CSDE1: variants seen among roughly 807,000 people sequenced by gnomAD.
CSDE1 encodes the protein cold shock domain containing E1.
Under a neutral mutation model 89.3 loss-of-function variants are expected in CSDE1, and 17 were observed. That is an observed-to-expected ratio of 0.19 (90% CI 0.13 to 0.29). The LOEUF (loss-of-function observed/expected upper bound fraction) is 0.29, where lower values mean the gene tolerates loss of function less well. CSDE1 is among the 10% of genes least tolerant of loss of function. CSDE1 has a pLI of 1.00. For synonymous variants in CSDE1, 322 were observed against 332.8 expected (o/e 0.97, Z 0.35); for missense variants, 672 against 984.2 (o/e 0.68, Z 4.24).
chr1:114,732,686 T>G lies in CSDE1; in HGVS notation c.968A>C (p.Asp323Ala). ...GDHVRFNIST[D>A]RRDKLERATN... ...TGCTCGCTCTAATTTGTCACGTCGG[T>G]CTGTTGAAATATTAAACCTAACATG... The change falls in exon 10 of 20, where the codon GAC becomes GCC. Residue 323 changes from aspartate (D) to alanine (A), a missense_variant. Physicochemically the swap from Asp to Ala is moderately radical, Grantham distance 126. Around this residue, in one of 8 missense-constraint regions of CSDE1, gnomAD observed 169 missense variants for 262.9 expected, o/e 0.64. Transcript: ENST00000358528. 6.2e-7 allele frequency: 1 copy of G among 1,614,200 alleles called. No homozygotes were observed. Among genetic ancestry groups the G allele is most frequent in the Non-Finnish European group, 8.5e-7 (1 of 1,180,036 alleles).
At position 114,739,767 on chromosome 1, in the gene CSDE1, A is replaced by T; in HGVS notation, c.124T>A (p.Cys42Ser). Residue 42 changes from cysteine to serine, a missense_variant, in exon 3 of 20, where the codon TGT becomes AGT. Cys to Ser is a moderately radical substitution (Grantham distance 112). This residue lies in a region of CSDE1 where 34 missense variants were observed against 73.3 expected (regional missense o/e 0.46). Coordinates refer to ENST00000358528, the MANE Select transcript of CSDE1 (RefSeq NM_001007553.3). Reference sequence around the variant, plus strand: ...AAAAGTCTAGCTTGACGTTCTGAACACTGAATAAATCCGTAAGAGGTTAAC... The same window carrying T: ...AAAAGTCTAGCTTGACGTTCTGAACTCTGAATAAATCCGTAAGAGGTTAAC... The part of the protein sequence containing the change: ...KLLTSYGFIQ[C>S]SERQARLFFH... 1 of 1,614,168 alleles carries T rather than the reference A, an allele frequency of 6.2e-7. No individual in the cohort carries two copies. Among genetic ancestry groups the T allele is most frequent in the Non-Finnish European group, 8.5e-7 (1 of 1,180,004 alleles).
At chr1:114,722,364 T>G (rs2101013255) in intron 16 of CSDE1, among the ~76,000 whole-genome samples, 1 of 152,334 alleles carries the variant, frequency 6.6e-6, no homozygotes, top group Non-Finnish European at 1.5e-5. Context: ...CTGAAGGTAT[T>G]ACCATTTTAA....
chr1:114,737,430 G>T, intron 5 of CSDE1, 41 bp downstream of exon 5: 2 of 1,416,854 alleles, frequency 1.4e-6, no homozygotes, highest in Non-Finnish European at 2.0e-6. Context: ...TAGATCACAT[G>T]GTGGATCAGG....
intron 2 of CSDE1, 148 bp downstream of exon 2, chr1:114,749,673 T>C (rs369517589): frequency 3.3e-5 from 5 of 152,356 alleles, no homozygotes; most frequent in African/African-American, 1.2e-4. Context: ...TAACAAGAGA[T>C]AGTGTTGATA....
chr1:114,722,294 T>C (rs933270705), intron 16 of CSDE1, among the ~76,000 whole-genome samples: 2 of 152,364 alleles, frequency 1.3e-5, no homozygotes, highest in Admixed American at 6.5e-5. Flanking sequence ...CCTCATGCAA[T>C]ATCAATAATT....
At chr1:114,750,764 G>C (rs1276043659) in intron 1 of CSDE1, among the ~76,000 whole-genome samples, 1 of 152,150 alleles carries the variant, frequency 6.6e-6, no homozygotes, top group African/African-American at 2.4e-5. Context: ...AGTGAACCTG[G>C]AAAATCAGGC....
At chr1:114,757,415 T>C (rs1267516153) in intron 1 of CSDE1, among the ~76,000 whole-genome samples, 1 of 152,010 alleles carries the variant, frequency 6.6e-6, no homozygotes, top group Non-Finnish European at 1.5e-5. Context: ...GCCAGGAAAC[T>C]ACAGGGTCCA....
At chr1:114,729,820 A>G (rs1660007006) in intron 12 of CSDE1, among the ~76,000 whole-genome samples, 1 of 152,222 alleles carries the variant, frequency 6.6e-6, no homozygotes, top group Admixed American at 6.5e-5. Flanking sequence ...TTTTCAATAA[A>G]TGAAATTTAA....
intron 5 of CSDE1, 57 bp downstream of exon 5, chr1:114,737,414 C>T (rs549477385): frequency 3.4e-5 from 45 of 1,317,966 alleles, no homozygotes; most frequent in East Asian, 1.4e-4. Flanking sequence ...TTTTAAAGTA[C>T]GCTTATAGAT....
chr1:114,733,600 C>T (rs1035968754), intron 9 of CSDE1, 132 bp downstream of exon 9: 5 of 580,778 alleles, frequency 8.6e-6, no homozygotes, highest in African/African-American at 4.0e-5. Context: ...TTTAAATATA[C>T]GTAACAAGAG....
At chr1:114,733,683 T>A in intron 9 of CSDE1, 49 bp downstream of exon 9, 3 of 1,536,740 alleles carry the variant, frequency 2.0e-6, no homozygotes, top group Non-Finnish European at 2.7e-6. Context: ...ACCATATTAT[T>A]CTATTACTAC....
rs749419444 is a variant in CSDE1, at chr1:114,726,228, T to C, written c.1623A>G (p.Glu541=). ...GFIETANHDK[E]IFFHYSEFSG... The stretch of plus-strand genomic sequence containing the variant: ...CGCCTTACCTGTAATGGAAAAAGAT[T>C]TCCTTATCATGATTGGCTGTTTCAA... The change falls in exon 14 of 20, where the codon GAA becomes GAG. Residue 541 remains glutamate (E), a synonymous_variant. Transcript: ENST00000358528. 22 of 1,607,990 alleles carry C rather than the reference T, an allele frequency of 1.4e-5. 1 individual carries two copies. The highest frequency in any genetic ancestry group is 1.6e-4 in the Middle Eastern group (1 of 6,064).
chr1:114,736,269 CAAAAGTCT>C (rs1346467761), intron 6 of CSDE1, among the ~76,000 whole-genome samples: 1 of 152,164 alleles, frequency 6.6e-6, no homozygotes, highest in African/African-American at 2.4e-5. Context: ...CCCCACCTTT[CAAAAGTCT>C]ACCACTTCCA....
At chr1:114,739,252 C>T (rs1227266215) in intron 3 of CSDE1, among the ~76,000 whole-genome samples, 1 of 151,972 alleles carries the variant, frequency 6.6e-6, no homozygotes, top group Non-Finnish European at 1.5e-5. Flanking sequence ...AGGATGGTCT[C>T]TATCTCCTGA....
intron 2 of CSDE1, among the ~76,000 whole-genome samples, chr1:114,749,613 T>C (rs1661198114): frequency 6.6e-6 from 1 of 152,218 alleles, no homozygotes; most frequent in Non-Finnish European, 1.5e-5. Context: ...TCAGCATGTA[T>C]TAATATAATC....
chr1:114,727,568 T>C (rs1043621963), intron 12 of CSDE1, among the ~76,000 whole-genome samples: 2 of 152,214 alleles, frequency 1.3e-5, no homozygotes, highest in African/African-American at 4.8e-5. Context: ...TGGTGTATGA[T>C]CTAGCACAGT....
rs754450380 is a variant in CSDE1, at chr1:114,737,524, G to A, written c.349C>T (p.Pro117Ser). 2.5e-6 allele frequency: 4 copies of A among 1,613,782 alleles called. No individual in the cohort carries two copies. Among genetic ancestry groups the A allele is most frequent in the Admixed American group, 1.7e-5 (1 of 59,986 alleles). ...AVPHNLESKS[P>S]AAPGQSPTGS... The stretch of plus-strand genomic sequence containing the variant: ...GTTGGACTCTGACCCGGGGCAGCTG[G>A]AGATTTACTCTCTAAGTTGTGAGGA... The change falls in exon 5 of 20, where the codon CCA becomes TCA. Residue 117 changes from proline (P) to serine (S), a missense_variant. Physicochemically the swap from Pro to Ser is moderately conservative, Grantham distance 74. Coordinates refer to ENST00000358528, the MANE Select transcript of CSDE1 (RefSeq NM_001007553.3).
At position 114,734,336 on chromosome 1, in the gene CSDE1, T is replaced by C. The variant is rs1023552059; in HGVS notation, c.582+106A>G. On this transcript the variant is annotated intron_variant, in intron 7 of 19. Transcript: ENST00000358528. ...CTTTTGAGGTTAACAGTGAAATATT[T>C]TAAAAGGGTAAGATAAAAAAGAAAA... 7 of 1,150,650 alleles carry C rather than the reference T, an allele frequency of 6.1e-6. No individual in the cohort carries two copies. In the Admixed American group the frequency reaches 1.3e-4, roughly 21 times the overall value. 71.3% of individuals were successfully genotyped at this position (1,150,650 alleles called of 1,614,324 possible).
At chr1:114,720,790 T>C (rs1659474416) in intron 16 of CSDE1, 73 bp from the exon 17 acceptor site, 7 of 1,300,446 alleles carry the variant, frequency 5.4e-6, no homozygotes, top group Middle Eastern at 1.9e-4. Flanking sequence ...AGGAAGTTTA[T>C]ATAACTGCTA....
Sources: allele counts gnomAD v4.1 joint callset (sites outside exome capture counted in the v4.1 genomes callset), GRCh38; gene constraint gnomAD v4.1.1; regional missense constraint gnomAD v4.1.1; transcripts MANE v1.5; gene names NCBI Gene and HGNC (gene_info 2026-07-23, HGNC 2026-07-21).